PLXNA4: variants seen among roughly 807,000 people sequenced by gnomAD.
The protein encoded by PLXNA4 is plexin A4, also known as plexin-A4.
A neutral mutation model predicts 191.8 loss-of-function variants in PLXNA4; 44 were observed. The observed-to-expected ratio is 0.23, with a 90% CI of 0.18 to 0.29. The LOEUF is 0.29. Ranked by LOEUF, PLXNA4 falls within the 10% of genes least tolerant of loss-of-function variation. The pLI, the probability that PLXNA4 is intolerant of heterozygous loss-of-function variation, is 1.00. For missense variants in PLXNA4, 1,800 were observed against 2,488.8 expected, an observed-to-expected ratio of 0.72 and a Z score of 5.89; for synonymous variants, 1,082 against 1,009.5, an observed-to-expected ratio of 1.07 and a Z score of -1.36.
chr7:132,479,996 G>GTCTCCCT (rs1797276858), intron 3 of PLXNA4, among the ~76,000 whole-genome samples: 2 of 152,012 alleles, frequency 1.3e-5, no homozygotes, highest in African/African-American at 4.8e-5. Context: ...ACTATATAAA[G>GTCTCCCT]AACTATGTAC....
At chr7:132,383,785 T>C (rs1295441801) in intron 3 of PLXNA4, 18 of 985,280 alleles carry the variant, frequency 1.8e-5, no homozygotes, top group Non-Finnish European at 2.0e-5. Context: ...TGTCACCAGT[T>C]CAAAGGATTT....
rs1271828625 is a variant in PLXNA4, at chr7:132,130,396, A to T, written c.*83T>A. 3 of 1,597,248 alleles carry T rather than the reference A, an allele frequency of 1.9e-6. No individual in the cohort carries two copies. Among genetic ancestry groups the T allele is most frequent in the Non-Finnish European group, 8.6e-7 (1 of 1,166,762 alleles). ...GGGGATGCTGCTGATGCCAGTCGGA[A>T]CTTGCACTTGGTAAAGATGATAATC... On this transcript the variant is annotated 3_prime_UTR_variant, in exon 32 of 32. Coordinates refer to ENST00000321063, the MANE Select transcript of PLXNA4 (RefSeq NM_020911.2).
chr7:132,545,786 T>C (rs1371452574), intron 1 of PLXNA4, among the ~76,000 whole-genome samples: 1 of 152,210 alleles, frequency 6.6e-6, no homozygotes, highest in Non-Finnish European at 1.5e-5. Flanking sequence ...AAAACCAGTG[T>C]TGCTGTAGTA....
At chr7:132,350,704 G>A (rs746305149) in intron 3 of PLXNA4, among the ~76,000 whole-genome samples, 1 of 152,134 alleles carries the variant, frequency 6.6e-6, no homozygotes, top group African/African-American at 2.4e-5. Context: ...TGGAAGTGAG[G>A]TGGCTGCTTT....
At chr7:132,249,652 T>G (rs1160156847) in intron 4 of PLXNA4, among the ~76,000 whole-genome samples, 1 of 152,234 alleles carries the variant, frequency 6.6e-6, no homozygotes, top group Non-Finnish European at 1.5e-5. Flanking sequence ...CTGAGCAGCT[T>G]GCCCAAGGTC....
intron 4 of PLXNA4, among the ~76,000 whole-genome samples, chr7:132,283,003 C>T (rs903916187): frequency 2.0e-5 from 3 of 152,094 alleles, no homozygotes; most frequent in African/African-American, 7.3e-5. Flanking sequence ...CAGCCCCCCC[C>T]AAGTAACTGG....
chr7:132,296,441 CTT>C (rs11386403), intron 4 of PLXNA4, among the ~76,000 whole-genome samples: 7 of 145,308 alleles, frequency 4.8e-5, no homozygotes, highest in Admixed American at 6.9e-5. Context: ...TTTAATTTCT[CTT>C]TTTTTTTTTT....
chr7:132,626,812 G>A (rs1046107702), intron 2 of PLXNA4, among the ~76,000 whole-genome samples: 1 of 152,118 alleles, frequency 6.6e-6, no homozygotes, highest in Non-Finnish European at 1.5e-5. Context: ...CACTCAAGGT[G>A]CATGCATCTC....
intron 20 of PLXNA4, 127 bp from the exon 21 acceptor site, chr7:132,175,047 A>G: frequency 7.0e-7 from 1 of 1,423,246 alleles, no homozygotes; most frequent in East Asian, 2.4e-5. Flanking sequence ...GATGGGCGGG[A>G]ATAACTGGAG....
At chr7:132,273,997 T>C (rs1024127331) in intron 4 of PLXNA4, among the ~76,000 whole-genome samples, 12 of 138,196 alleles carry the variant, frequency 8.7e-5, no homozygotes, top group Non-Finnish European at 1.9e-4. Context: ...AGAATACTAT[T>C]CAGCAGTAAA....
chr7:132,204,653 G>A (rs1797553543), intron 10 of PLXNA4, among the ~76,000 whole-genome samples: 1 of 152,146 alleles, frequency 6.6e-6, no homozygotes, highest in African/African-American at 2.4e-5. Context: ...CCTCCAAGTT[G>A]GCCATGGCAC....
chr7:132,581,715 C>A (rs1248529742), upstream of PLXNA4, among the ~76,000 whole-genome samples: 1 of 151,902 alleles, frequency 6.6e-6, no homozygotes, highest in Non-Finnish European at 1.5e-5. Flanking sequence ...GTGGGGAGGA[C>A]ACCCCTCTCC....
chr7:132,146,585 G>A lies in PLXNA4; in HGVS notation c.4980C>T (p.His1660=), dbSNP rs776632659. 8.2e-5 allele frequency: 132 copies of A among 1,613,976 alleles called. No individual in the cohort carries two copies. Among genetic ancestry groups the A allele is most frequent in the Non-Finnish European group, 9.8e-5 (116 of 1,180,020 alleles). The change falls in exon 28 of 32, where the codon CAC becomes CAT. Residue 1660 remains histidine, a synonymous_variant. Coordinates refer to ENST00000321063, the MANE Select transcript of PLXNA4 (RefSeq NM_020911.2). ...KMWHLVKNHE[H]GDQKEGDRGS... ...CCCGGTCCCCCTCCTTCTGGTCTCC[G>A]TGCTCGTGGTTCTTCACTAGGTGCC...
chr7:132,583,909 A>G (rs886086541), intron 2 of PLXNA4, among the ~76,000 whole-genome samples: 1 of 152,350 alleles, frequency 6.6e-6, no homozygotes, highest in Non-Finnish European at 1.5e-5. Context: ...GGGAGGGCCA[A>G]TCGTGCCATA....
intron 25 of PLXNA4, among the ~76,000 whole-genome samples, chr7:132,156,591 C>T (rs370739345): frequency 6.9e-4 from 105 of 152,302 alleles, no homozygotes; most frequent in African/African-American, 2.4e-3. Context: ...GAAAGCACAG[C>T]GGGTGCGGGG....
At chr7:132,621,984 A>G (rs773150621) in intron 2 of PLXNA4, among the ~76,000 whole-genome samples, 23 of 152,192 alleles carry the variant, frequency 1.5e-4, no homozygotes, top group Non-Finnish European at 2.5e-4. Flanking sequence ...TAGTAGTAGC[A>G]GAGACAGCTA....
chr7:132,491,582 G>A (rs997934686), intron 2 of PLXNA4, among the ~76,000 whole-genome samples: 7 of 151,824 alleles, frequency 4.6e-5, no homozygotes, highest in Admixed American at 6.6e-5. Context: ...CCTCTCTTGC[G>A]TGGCCTGGTC....
chr7:132,609,048 C>A (rs1470123212), intron 2 of PLXNA4, among the ~76,000 whole-genome samples: 1 of 152,170 alleles, frequency 6.6e-6, no homozygotes. Flanking sequence ...CTGAAATGCC[C>A]CTCATCCCTA....
In PLXNA4 at chr7:132,298,205, G is replaced by C. The variant is rs774700438; in HGVS notation, c.1389C>G (p.Pro463=). The change falls in exon 4 of 32, where the codon CCC becomes CCG. Residue 463 remains proline, a synonymous_variant. Coordinates refer to ENST00000321063, the MANE Select transcript of PLXNA4 (RefSeq NM_020911.2). ...GKLKKIRVDG[P]RGNALQYETV... ...TCTCATACTGGAGGGCGTTGCCCCT[G>C]GGTCCATCCACCCGGATCTGTGGAG... The C allele has an allele frequency of 3.7e-6, 6 of 1,613,700 alleles. No homozygotes were observed. In the East Asian group the frequency reaches 6.7e-5, roughly 18 times the overall value.
Sources: gnomAD v4.1 joint callset for allele counts (sites outside exome capture counted in the v4.1 genomes callset) on GRCh38, gnomAD v4.1.1 for gene constraint, MANE v1.5 for transcripts, NCBI Gene and HGNC (gene_info 2026-07-23, HGNC 2026-07-21) for gene names.